The following MYO6 variants were observed in gnomAD, a reference collection of about 807,000 sequenced individuals.
The protein encoded by MYO6 is myosin VI, also known as unconventional myosin-VI.
In MYO6, 74 loss-of-function variants were observed where a neutral mutation model predicts 178.7. The observed-to-expected ratio is 0.41, with a 90% CI of 0.34 to 0.50. The LOEUF is 0.50. MYO6 is among the 20% of genes least tolerant of loss of function. The probability of loss-of-function intolerance (pLI) is 0.09; values close to 1 mark genes in which losing one functional copy is unlikely to be tolerated. For missense variants in MYO6, 1,330 were observed against 1,547.4 expected (o/e 0.86, Z 2.36); for synonymous variants, 477 against 504.6 (o/e 0.95, Z 0.73).
chr6:75,874,043 T>G (rs984329789), intron 20 of MYO6, among the ~76,000 whole-genome samples: 10 of 152,204 alleles, frequency 6.6e-5, no homozygotes, highest in Non-Finnish European at 1.3e-4. Flanking sequence ...GACACTTCCT[T>G]AAACTTTCTT....
intron 25 of MYO6, among the ~76,000 whole-genome samples, chr6:75,888,726 T>C (rs1778664126): frequency 6.6e-6 from 1 of 152,206 alleles, no homozygotes; most frequent in Non-Finnish European, 1.5e-5. Flanking sequence ...TTACCTTACA[T>C]TCTCTTTTAT....
Position 75,832,842 on chromosome 6 carries a change from C to G in MYO6, c.392C>G (p.Ala131Gly). 6.2e-7 allele frequency: 1 copy of G among 1,600,442 alleles called. No individual in the cohort carries two copies. Among genetic ancestry groups the G allele is most frequent in the Non-Finnish European group, 8.6e-7 (1 of 1,167,608 alleles). Reference protein sequence around the residue: ...GTRPPHVFAIADKAFRDMKVL... With the variant: ...GTRPPHVFAIGDKAFRDMKVL... ...CATTAATGTCTTATTTTGACCCTAG[C>G]TGATAAAGCTTTTCGAGACATGAAG... Residue 131 changes from alanine (A) to glycine (G), a missense_variant and splice_region_variant, in exon 6 of 35, where the codon GCT (alanine) becomes GGT (glycine). Coordinates refer to ENST00000369977, the MANE Select transcript of MYO6 (RefSeq NM_004999.4).
rs1781096790 is a variant in MYO6 at position 75,915,990 on chromosome 6, C to A, written c.*978C>A. On this transcript the variant is annotated 3_prime_UTR_variant, in exon 35 of 35. Coordinates refer to ENST00000369977, the MANE Select transcript of MYO6 (RefSeq NM_004999.4). ...CCTTTGAGGTTTTGGTAATTGTAGA[C>A]CTGTTTCATAAGCTTTGTAATTCAG... 1 of 152,458 alleles carries A rather than the reference C, an allele frequency of 6.6e-6. No individual in the cohort carries two copies. Among genetic ancestry groups the A allele is most frequent in the Non-Finnish European group, 1.5e-5 (1 of 68,004 alleles). The allele number at this position is 152,458 out of a possible 1,614,324, so 9.4% of individuals were successfully genotyped here.
intron 2 of MYO6, among the ~76,000 whole-genome samples, chr6:75,819,474 C>T (rs527455375): frequency 2.5e-4 from 38 of 152,234 alleles, no homozygotes; most frequent in Middle Eastern, 6.8e-3. Context: ...GCAGTGTGTG[C>T]GCAGTGGAAG....
At chr6:75,906,084 A>G (rs553816668) in intron 30 of MYO6, among the ~76,000 whole-genome samples, 1 of 152,332 alleles carries the variant, frequency 6.6e-6, no homozygotes, top group East Asian at 1.9e-4. Context: ...AATCCTCTTT[A>G]AGAGGAAGTA....
chr6:75,756,586 G>A (rs1259108206), intron 1 of MYO6, among the ~76,000 whole-genome samples: 4 of 152,050 alleles, frequency 2.6e-5, no homozygotes, highest in Non-Finnish European at 5.9e-5. Context: ...GCCCGCCTTC[G>A]CCTCCCAAAC....
At chr6:75,794,853 T>C (rs1248446064) in intron 1 of MYO6, among the ~76,000 whole-genome samples, 2 of 152,202 alleles carry the variant, frequency 1.3e-5, no homozygotes, top group Admixed American at 6.5e-5. Flanking sequence ...TGTGAGAAGA[T>C]TGTAATTAAT....
At chr6:75,907,813 T>TGC in intron 31 of MYO6, 105 bp downstream of exon 31, 1 of 807,960 alleles carries the variant, frequency 1.2e-6, no homozygotes, top group Non-Finnish European at 2.1e-6. Flanking sequence ...TGTGTGTGTG[T>TGC]GTGTATGTGT....
Position 75,866,940 on chromosome 6 carries a change from T to A in MYO6, c.1779T>A (p.Phe593Leu). ...AGAVCYETTQ[F>L]VEKNNDALHM... ...TTTGATTTATTTTTCAGACCCAGTT[T>A]GTGGAGAAAAATAATGATGCTTTAC... Residue 593 changes from phenylalanine to leucine, a missense_variant, in exon 18 of 35, where the codon TTT becomes TTA. Transcript: ENST00000369977. 6.2e-7 allele frequency: 1 copy of A among 1,613,898 alleles called. No individual in the cohort carries two copies. Among genetic ancestry groups the A allele is most frequent in the Non-Finnish European group, 8.5e-7 (1 of 1,179,852 alleles).
At chr6:75,789,454 C>T (rs569751006) in intron 1 of MYO6, among the ~76,000 whole-genome samples, 87 of 152,118 alleles carry the variant, frequency 5.7e-4, no homozygotes, top group Admixed American at 2.5e-3. Context: ...GTTCACTCTT[C>T]GAATGCTGAA....
rs1781197982 is a variant in MYO6, at chr6:75,917,765, C to T, written c.*2753C>T. 1 of 152,576 alleles carries T rather than the reference C, an allele frequency of 6.6e-6. No homozygotes were observed. The highest frequency in any genetic ancestry group is 1.5e-5 in the Non-Finnish European group (1 of 68,034). 9.5% of individuals were successfully genotyped at this position (152,576 alleles called of 1,614,324 possible). On this transcript the variant is annotated 3_prime_UTR_variant, in exon 35 of 35. Transcript: ENST00000369977. ...TGTGAACACTTAGAGAATAGCAATC[C>T]ACAGGCAAGAATAATGGTATTGTTT...
At chr6:75,764,894 G>A (rs1380437193) in intron 1 of MYO6, among the ~76,000 whole-genome samples, 1 of 151,682 alleles carries the variant, frequency 6.6e-6, no homozygotes, top group Non-Finnish European at 1.5e-5. Flanking sequence ...AGCTACTCGG[G>A]AGGCTGAGGC....
intron 31 of MYO6, 104 bp from the exon 32 acceptor site, chr6:75,908,392 T>A: frequency 9.0e-7 from 1 of 1,116,116 alleles, no homozygotes; most frequent in Non-Finnish European, 1.3e-6. Context: ...TACCATTAAT[T>A]TAAAAATAAA....
Position 75,916,714 on chromosome 6 carries a change from C to T in MYO6, c.*1702C>T, listed in dbSNP as rs1401556391. ...AAAGTTCTTGAACAAAATTTAGTAG[C>T]CAAATTGTTTTTTAATGACATGTCT... On this transcript the variant is annotated 3_prime_UTR_variant, in exon 35 of 35. Transcript: ENST00000369977. The T allele has an allele frequency of 3.3e-5, 5 of 152,148 alleles. No individual in the cohort carries two copies. Among genetic ancestry groups the T allele is most frequent in the Admixed American group, 6.6e-5 (1 of 15,254 alleles). The allele number at this position is 152,148 out of a possible 1,614,324, so 9.4% of individuals were successfully genotyped here. A position where few individuals can be genotyped will look rare whatever the true frequency, so the allele number is the denominator to read the frequency against.
intron 12 of MYO6, among the ~76,000 whole-genome samples, chr6:75,856,416 G>A (rs1775719404): frequency 6.6e-6 from 1 of 151,912 alleles, no homozygotes; most frequent in African/African-American, 2.4e-5. Flanking sequence ...TCACTGTTTA[G>A]AGAGGCTTAA....
chr6:75,765,065 T>TAA, intron 1 of MYO6, among the ~76,000 whole-genome samples: 1 of 151,666 alleles, frequency 6.6e-6, no homozygotes, highest in South Asian at 2.1e-4. Flanking sequence ...AACTGAAAGT[T>TAA]AATTCATAAG....
chr6:75,787,260 A>G (rs1456853418), intron 1 of MYO6, among the ~76,000 whole-genome samples: 2 of 152,186 alleles, frequency 1.3e-5, no homozygotes, highest in Non-Finnish European at 2.9e-5. Context: ...TATTTATCCA[A>G]GAGCAATGTC....
Position 75,766,236 on chromosome 6 carries a change from T to A in MYO6, c.-48+16813T>A, listed in dbSNP as rs143913056. ...TACGTGGGAGGCTGAGGCAGGAGAATCGCTTGAACCCAGGAGGTGGAGGTT... is the reference window on the plus strand; with the variant it reads ...TACGTGGGAGGCTGAGGCAGGAGAAACGCTTGAACCCAGGAGGTGGAGGTT... On this transcript the variant is annotated intron_variant, in intron 1 of 34. Coordinates refer to ENST00000369977, the MANE Select transcript of MYO6 (RefSeq NM_004999.4). 0.013 allele frequency among the ~76,000 whole-genome samples: 1,902 copies of A among 152,078 alleles called. 60 individuals are homozygous for A. In the East Asian group the frequency reaches 0.13, roughly 10 times the overall value.
chr6:75,903,225 GTAGATGTCTA>G (rs1259765825), intron 30 of MYO6, among the ~76,000 whole-genome samples: 1 of 151,736 alleles, frequency 6.6e-6, no homozygotes, highest in South Asian at 2.1e-4. Context: ...GGAGAGTTCT[GTAGATGTCTA>G]TTAGGTCCGC....
Sources: allele counts gnomAD v4.1 joint callset (sites outside exome capture counted in the v4.1 genomes callset), GRCh38; gene constraint gnomAD v4.1.1; transcripts MANE v1.5; gene names NCBI Gene and HGNC (gene_info 2026-07-23, HGNC 2026-07-21).